DENND2B: variants seen among roughly 807,000 people sequenced by gnomAD.
The protein encoded by DENND2B is DENN domain containing 2B.
Under a neutral mutation model 116.0 loss-of-function variants are expected in DENND2B, and 32 were observed. The ratio of observed to expected loss-of-function variants is 0.28; its 90% CI spans 0.21 to 0.37. The LOEUF (loss-of-function observed/expected upper bound fraction) is 0.37, where lower values mean the gene tolerates loss of function less well. Ranked by LOEUF, DENND2B falls within the 10% of genes least tolerant of loss-of-function variation. The pLI is 1.00. For synonymous variants in DENND2B, 588 were observed against 583.9 expected, an observed-to-expected ratio of 1.01 and a Z score of -0.10; for missense variants, 1,276 against 1,477.7, an observed-to-expected ratio of 0.86 and a Z score of 2.24.
At chr11:8,799,511 C>A (rs2134397962) in intron 1 of DENND2B, among the ~76,000 whole-genome samples, 1 of 151,686 alleles carries the variant, frequency 6.6e-6, no homozygotes, top group South Asian at 2.1e-4. Context: ...GCTTGTCTCA[C>A]ATGTCCTAGC....
intron 1 of DENND2B, among the ~76,000 whole-genome samples, chr11:8,905,917 A>C (rs1341959893): frequency 2.0e-5 from 3 of 151,810 alleles, no homozygotes; most frequent in Admixed American, 6.6e-5. Flanking sequence ...GAAGCCAGGC[A>C]AAAAAAGGTC....
chr11:8,855,850 A>C (rs2063175655), intron 3 of DENND2B, among the ~76,000 whole-genome samples: 1 of 152,140 alleles, frequency 6.6e-6, no homozygotes, highest in Admixed American at 6.5e-5. Flanking sequence ...CAGAATAAGG[A>C]AAGGGGATAC....
At chr11:8,771,695 G>A (rs964703096) in intron 1 of DENND2B, 5 of 152,012 alleles carry the variant, frequency 3.3e-5, no homozygotes, top group Non-Finnish European at 7.4e-5. Flanking sequence ...CTAATGAAGT[G>A]AGGATTTATT....
At chr11:8,695,577 G>C in intron 18 of DENND2B, 28 bp from the exon 19 acceptor site, 1 of 1,606,494 alleles carries the variant, frequency 6.2e-7, no homozygotes, top group Non-Finnish European at 8.5e-7. Flanking sequence ...GCACAGGGAA[G>C]AGAACAGTCA....
At chr11:8,747,251 ACC>A (rs200857433) in intron 2 of DENND2B, among the ~76,000 whole-genome samples, 3,582 of 152,232 alleles carry the variant, frequency 0.024, 117 homozygotes, top group African/African-American at 0.081. Context: ...GATTTTCAGC[ACC>A]CACCACAAGC....
chr11:8,737,470 T>C (rs530344749), intron 2 of DENND2B, among the ~76,000 whole-genome samples: 38 of 152,172 alleles, frequency 2.5e-4, no homozygotes, highest in Non-Finnish European at 4.1e-4. Flanking sequence ...TGGAGGTCAC[T>C]GTGACCTGAC....
chr11:8,757,194 C>T, intron 1 of DENND2B: 2 of 428,820 alleles, frequency 4.7e-6, no homozygotes, highest in Admixed American at 2.7e-5. Context: ...CAAAGACTCA[C>T]TTTGTCACTA....
At chr11:8,719,952 CTTG>C (rs2045865708) in intron 4 of DENND2B, among the ~76,000 whole-genome samples, 1 of 152,178 alleles carries the variant, frequency 6.6e-6, no homozygotes, top group Non-Finnish European at 1.5e-5. Flanking sequence ...TTGAATAATT[CTTG>C]TTGTGGTAGA....
At chr11:8,695,193 T>C (rs1297357866) in intron 19 of DENND2B, among the ~76,000 whole-genome samples, 1 of 152,236 alleles carries the variant, frequency 6.6e-6, no homozygotes, top group Non-Finnish European at 1.5e-5. Flanking sequence ...TATGCCATTT[T>C]ATAGAAGGGA....
intron 1 of DENND2B, chr11:8,787,432 T>C (rs1196608366): frequency 1.3e-5 from 2 of 152,228 alleles, no homozygotes; most frequent in Non-Finnish European, 2.9e-5. Context: ...CGCCTCAGCC[T>C]GCTGAGTAGC....
intron 1 of DENND2B, among the ~76,000 whole-genome samples, chr11:8,771,040 CATTT>C (rs1318057575): frequency 1.2e-4 from 18 of 152,306 alleles, no homozygotes; most frequent in Middle Eastern, 3.4e-3. Flanking sequence ...ATTCTTCATT[CATTT>C]AGTTTCTTTC....
At chr11:8,729,701 C>T (rs1200548923) in intron 3 of DENND2B, among the ~76,000 whole-genome samples, 2 of 152,174 alleles carry the variant, frequency 1.3e-5, no homozygotes, top group Non-Finnish European at 2.9e-5. Flanking sequence ...CCAAACCCAG[C>T]CAATACCTTC....
intron 1 of DENND2B, among the ~76,000 whole-genome samples, chr11:8,779,192 T>C (rs1216164725): frequency 1.3e-5 from 2 of 152,318 alleles, no homozygotes; most frequent in South Asian, 2.1e-4. Flanking sequence ...ACGGGGCTTC[T>C]GTGGGAGAGG....
At chr11:8,829,095 G>GT (rs1208127328) in intron 4 of DENND2B, among the ~76,000 whole-genome samples, 2 of 151,022 alleles carry the variant, frequency 1.3e-5, no homozygotes, top group African/African-American at 4.9e-5. Flanking sequence ...TGTGTGTGTG[G>GT]TGTGGGTATG....
At chr11:8,823,735 T>A (rs757700824) in intron 4 of DENND2B, among the ~76,000 whole-genome samples, 4 of 152,142 alleles carry the variant, frequency 2.6e-5, no homozygotes, top group Non-Finnish European at 4.4e-5. Flanking sequence ...CAATTAAACT[T>A]CTTTCTCATA....
intron 1 of DENND2B, among the ~76,000 whole-genome samples, chr11:8,792,378 T>G (rs748409526): frequency 1.3e-5 from 2 of 152,070 alleles, no homozygotes; most frequent in Non-Finnish European, 2.9e-5. Flanking sequence ...TGACAGAAAA[T>G]TCAACTCCAC....
intron 3 of DENND2B, among the ~76,000 whole-genome samples, chr11:8,852,461 G>C (rs2063041843): frequency 6.6e-6 from 1 of 152,140 alleles, no homozygotes; most frequent in African/African-American, 2.4e-5. Context: ...GCAAGACTTT[G>C]TCTTTACAAA....
intron 1 of DENND2B, among the ~76,000 whole-genome samples, chr11:8,752,152 A>C (rs2052627503): frequency 1.3e-5 from 2 of 152,220 alleles, no homozygotes; most frequent in Admixed American, 1.3e-4. Flanking sequence ...GTGGAATAAA[A>C]AAAAATTAAG....
rs2052200919 is a variant in DENND2B at position 8,750,617 on chromosome 11, C to G, written c.80+4G>C. Reference sequence around the variant, plus strand: ...CCACCTCCCACAAGTGCTCCCTTACCCACCTGCTCAGAGTCCCCCGAGGGG... The same window carrying G: ...CCACCTCCCACAAGTGCTCCCTTACGCACCTGCTCAGAGTCCCCCGAGGGG... On this transcript the variant is annotated splice_donor_region_variant and intron_variant, in intron 2 of 19. Transcript: ENST00000313726. 4.3e-6 allele frequency: 7 copies of G among 1,613,922 alleles called. No individual in the cohort carries two copies. The highest frequency in any genetic ancestry group is 1.1e-5 in the South Asian group (1 of 91,060).
Sources: gnomAD v4.1 joint callset for allele counts (sites outside exome capture counted in the v4.1 genomes callset) on GRCh38, gnomAD v4.1.1 for gene constraint, MANE v1.5 for transcripts, NCBI Gene and HGNC (gene_info 2026-07-23, HGNC 2026-07-21) for gene names.